The following SLC39A10 variants were observed in gnomAD, a reference collection of about 807,000 sequenced individuals.
SLC39A10 encodes zinc transporter ZIP10.
Under a neutral mutation model 65.1 loss-of-function variants are expected in SLC39A10, and 13 were observed. The observed-to-expected ratio is 0.20, with a 90% CI of 0.13 to 0.32. The LOEUF is 0.32. SLC39A10 is among the 10% of genes least tolerant of loss of function. SLC39A10 has a pLI of 1.00. For missense variants in SLC39A10, 831 were observed against 1,018.4 expected, an observed-to-expected ratio of 0.82 and a Z score of 2.50; for synonymous variants, 321 against 342.2, an observed-to-expected ratio of 0.94 and a Z score of 0.68.
chr2:195,659,237 T>TA (rs538303937), intron 1 of SLC39A10, among the ~76,000 whole-genome samples: 52 of 152,290 alleles, frequency 3.4e-4, no homozygotes, highest in Non-Finnish European at 7.1e-4. Context: ...GGTGCTACTT[T>TA]AAAAAAAGTG....
intron 9 of SLC39A10, among the ~76,000 whole-genome samples, chr2:195,732,102 A>G (rs1692450283): frequency 2.0e-5 from 3 of 152,290 alleles, no homozygotes; most frequent in African/African-American, 2.4e-5. Context: ...ATGGATCCAT[A>G]TTGTCGTCAG....
intron 3 of SLC39A10, among the ~76,000 whole-genome samples, chr2:195,690,178 A>G (rs1326847349): frequency 7.2e-6 from 1 of 139,092 alleles, no homozygotes; most frequent in Non-Finnish European, 1.5e-5. Context: ...TCTCTGAAAA[A>G]AAAAAAAAAA....
intron 4 of SLC39A10, among the ~76,000 whole-genome samples, chr2:195,707,263 TTCTAATTA>T (rs1691437897): frequency 6.6e-6 from 1 of 152,186 alleles, no homozygotes; most frequent in Non-Finnish European, 1.5e-5. Context: ...TTGGGGACAC[TTCTAATTA>T]TATGATCACA....
At chr2:195,655,207 G>C (rs909732730), upstream of SLC39A10, among the ~76,000 whole-genome samples, 1 of 152,180 alleles carries the variant, frequency 6.6e-6, no homozygotes, top group East Asian at 1.9e-4. Context: ...TTGAGAGGAA[G>C]GACTGGCACA....
At chr2:195,629,732 G>T (rs1043554362) in intron 2 of SLC39A10, among the ~76,000 whole-genome samples, 1 of 152,082 alleles carries the variant, frequency 6.6e-6, no homozygotes, top group African/African-American at 2.4e-5. Flanking sequence ...GGCTAGTAAG[G>T]CTATCAATAA....
intron 2 of SLC39A10, among the ~76,000 whole-genome samples, chr2:195,631,215 G>GAT (rs111331845): frequency 7.9e-5 from 12 of 151,174 alleles, no homozygotes; most frequent in African/African-American, 1.5e-4. Context: ...TATATATAGA[G>GAT]ATATATATAT....
chr2:195,613,733 T>C (rs555601138), intron 2 of SLC39A10, among the ~76,000 whole-genome samples: 10 of 152,336 alleles, frequency 6.6e-5, no homozygotes, highest in South Asian at 6.2e-4. Flanking sequence ...TTATATAGCA[T>C]TTCAGCAGAG....
intron 4 of SLC39A10, among the ~76,000 whole-genome samples, chr2:195,707,992 C>T (rs559887976): frequency 1.1e-4 from 17 of 152,250 alleles, no homozygotes; most frequent in Middle Eastern, 6.8e-3. Flanking sequence ...TCTATACATA[C>T]ATTTATGATT....
chr2:195,657,653 C>T, intron 1 of SLC39A10: 1 of 983,968 alleles, frequency 1.0e-6, no homozygotes, highest in Non-Finnish European at 1.2e-6. Context: ...GGGGAGTGAC[C>T]GCTGGGCGGG....
chr2:195,654,605 C>T (rs1689110279), upstream of SLC39A10, among the ~76,000 whole-genome samples: 1 of 152,038 alleles, frequency 6.6e-6, no homozygotes. Context: ...CCCCCAGGTA[C>T]TGAAAATCAT....
At chr2:195,630,551 G>A (rs557521667) in intron 2 of SLC39A10, among the ~76,000 whole-genome samples, 215 of 152,272 alleles carry the variant, frequency 1.4e-3, no homozygotes, top group African/African-American at 4.5e-3. Flanking sequence ...TCAGAAAGTC[G>A]GGGAAACATT....
intron 2 of SLC39A10, among the ~76,000 whole-genome samples, chr2:195,683,481 T>C (rs1191034802): frequency 2.0e-5 from 3 of 152,070 alleles, no homozygotes; most frequent in Admixed American, 6.5e-5. Context: ...TGTGTTGGAG[T>C]AGAAAAATTA....
intron 1 of SLC39A10, among the ~76,000 whole-genome samples, chr2:195,667,403 C>T (rs1689674848): frequency 6.6e-6 from 1 of 152,166 alleles, no homozygotes; most frequent in Non-Finnish European, 1.5e-5. Context: ...GTCAGTGAAA[C>T]TGGTAAGGTG....
At chr2:195,699,905 A>T (rs1691111282) in intron 3 of SLC39A10, among the ~76,000 whole-genome samples, 1 of 152,112 alleles carries the variant, frequency 6.6e-6, no homozygotes, top group Non-Finnish European at 1.5e-5. Flanking sequence ...CAATTGTGAC[A>T]GTTTTTGTTT....
In SLC39A10 at chr2:195,736,881, T is replaced by C; in HGVS notation, c.*1840T>C. The C allele has an allele frequency of 2.3e-5, 1 of 44,206 alleles. No individual in the cohort carries two copies. Among genetic ancestry groups the C allele is most frequent in the East Asian group, 4.3e-4 (1 of 2,302 alleles). The allele number at this position is 44,206 out of a possible 1,614,324, so 2.7% of individuals were successfully genotyped here. On this transcript the variant is annotated 3_prime_UTR_variant, in exon 10 of 10. Coordinates refer to ENST00000359634, the MANE Select transcript of SLC39A10 (RefSeq NM_020342.3). ...TACTGCCAACTTCAAGTGATTTAGA[T>C]ATCTATCTATCTAGATTTCTGAACC...
chr2:195,705,094 C>A (rs547510885), intron 3 of SLC39A10, among the ~76,000 whole-genome samples: 2 of 152,280 alleles, frequency 1.3e-5, no homozygotes, highest in African/African-American at 4.8e-5. Context: ...CCACGCCAGG[C>A]CGCAATCCTC....
intron 1 of SLC39A10, chr2:195,674,572 C>T (rs1057458774): frequency 7.1e-6 from 7 of 985,208 alleles, no homozygotes; most frequent in South Asian, 9.4e-5. Flanking sequence ...CCACTGCACC[C>T]GGCCTGCTTT....
rs1202277146 is a variant in SLC39A10, at chr2:195,699,589, CCA to C, written c.1217-7026_1217-7025del. On this transcript the variant is annotated intron_variant, in intron 3 of 9. Transcript: ENST00000359634. ...TAATTTCTATGAATTTGTAAATTTTCCAGTTTTACTTCAGTAGTTGATTTCTA... is the reference window on the plus strand; with the variant it reads ...TAATTTCTATGAATTTGTAAATTTTCGTTTTACTTCAGTAGTTGATTTCTA... 3.9e-5 allele frequency among the ~76,000 whole-genome samples: 6 copies of C among 151,934 alleles called. No homozygotes were observed. The East Asian group carries it at 1.2e-3, about 29-fold the overall frequency.
At chr2:195,647,496 C>T (rs1042008756) in intron 2 of SLC39A10, among the ~76,000 whole-genome samples, 10 of 151,610 alleles carry the variant, frequency 6.6e-5, no homozygotes, top group Non-Finnish European at 1.5e-4. Flanking sequence ...TCACTCATCT[C>T]ATTCATCTGC....
Sources: allele counts gnomAD v4.1 joint callset (sites outside exome capture counted in the v4.1 genomes callset), GRCh38; gene constraint gnomAD v4.1.1; transcripts MANE v1.5; gene names NCBI Gene and HGNC (gene_info 2026-07-23, HGNC 2026-07-21).